FARSB: variants seen among roughly 807,000 people sequenced by gnomAD.
FARSB encodes phenylalanine--tRNA ligase beta subunit.
FARSB carries 40 observed loss-of-function variants against 69.6 expected under a neutral mutation model. The observed-to-expected ratio is 0.57, with a 90% CI of 0.45 to 0.75. The LOEUF (loss-of-function observed/expected upper bound fraction) is 0.75, where lower values mean the gene tolerates loss of function less well. Ranked by LOEUF, FARSB falls within the 30% of genes least tolerant of loss-of-function variation. FARSB has a pLI of 0.00. For missense variants in FARSB, 632 were observed against 722.9 expected, an observed-to-expected ratio of 0.87 and a Z score of 1.44; for synonymous variants, 235 against 247.2, an observed-to-expected ratio of 0.95 and a Z score of 0.46.
intron 16 of FARSB, among the ~76,000 whole-genome samples, chr2:222,581,398 T>C (rs1267073509): frequency 1.3e-5 from 2 of 152,208 alleles, no homozygotes; most frequent in Admixed American, 6.5e-5. Flanking sequence ...AGATCTCTAA[T>C]GGATGTTCTG....
intron 15 of FARSB, 131 bp downstream of exon 15, chr2:222,613,680 T>C: frequency 1.8e-6 from 1 of 560,292 alleles, no homozygotes; most frequent in Non-Finnish European, 3.2e-6. Context: ...TGTTGGTAAC[T>C]GTTGAAGGTG....
chr2:222,635,796 G>A (rs1461893875), intron 5 of FARSB, among the ~76,000 whole-genome samples: 1 of 152,148 alleles, frequency 6.6e-6, no homozygotes, highest in East Asian at 1.9e-4. Context: ...AGAAAATACA[G>A]AGGCCAGGTG....
chr2:222,581,802 AT>A (rs1187935828), intron 16 of FARSB, among the ~76,000 whole-genome samples: 3 of 152,254 alleles, frequency 2.0e-5, no homozygotes, highest in Non-Finnish European at 4.4e-5. Flanking sequence ...AGAAAAGGAA[AT>A]AAAAATGTCC....
rs545103395 is a variant in FARSB at position 222,600,291 on chromosome 2, A to G, written c.1463-208T>C. Among the ~76,000 whole-genome samples the G allele has an allele frequency of 2.0e-5, 3 of 152,312 alleles. No homozygotes were observed. The East Asian group carries it at 5.8e-4, about 29-fold the overall frequency. Reference sequence around the variant, plus strand: ...CCCTAAGGTGTTTTATTTGGGGGAAAGAGTGAAAAACCCTCAATGCTGACC... The same window carrying G: ...CCCTAAGGTGTTTTATTTGGGGGAAGGAGTGAAAAACCCTCAATGCTGACC... On this transcript the variant is annotated intron_variant, in intron 15 of 16. Transcript: ENST00000281828.
chr2:222,582,124 A>G (rs141099356), intron 16 of FARSB, among the ~76,000 whole-genome samples: 2 of 152,372 alleles, frequency 1.3e-5, no homozygotes, highest in East Asian at 1.9e-4. Flanking sequence ...GCACAAGACT[A>G]TTCTCTGTAA....
intron 15 of FARSB, among the ~76,000 whole-genome samples, chr2:222,612,950 C>T (rs540139339): frequency 1.2e-3 from 187 of 152,322 alleles, no homozygotes; most frequent in African/African-American, 4.2e-3. Context: ...AAAACACATT[C>T]GCAGTCACTG....
chr2:222,602,760 T>G (rs1690596441), intron 15 of FARSB, among the ~76,000 whole-genome samples: 1 of 152,138 alleles, frequency 6.6e-6, no homozygotes, highest in Admixed American at 6.5e-5. Flanking sequence ...TGCTGCGTAT[T>G]TCTATGAAAG....
intron 16 of FARSB, among the ~76,000 whole-genome samples, chr2:222,578,519 G>A (rs1480938237): frequency 1.3e-5 from 2 of 152,210 alleles, no homozygotes; most frequent in Admixed American, 6.5e-5. Context: ...TTCAGAGTAA[G>A]ATTTCAGGTG....
intron 1 of FARSB, among the ~76,000 whole-genome samples, chr2:222,653,386 G>A (rs767701126): frequency 1.5e-4 from 23 of 151,398 alleles, no homozygotes; most frequent in Non-Finnish European, 2.2e-4. Flanking sequence ...TTAAAAGTGT[G>A]AATGAGACAT....
chr2:222,647,338 T>C (rs960757473), intron 2 of FARSB, among the ~76,000 whole-genome samples: 1 of 152,160 alleles, frequency 6.6e-6, no homozygotes, highest in African/African-American at 2.4e-5. Flanking sequence ...GGAACAAAGA[T>C]GGTAGGTAAG....
intron 14 of FARSB, among the ~76,000 whole-genome samples, chr2:222,615,778 C>T (rs1226871861): frequency 6.6e-6 from 1 of 152,170 alleles, no homozygotes; most frequent in East Asian, 1.9e-4. Context: ...AACGTCTTTC[C>T]CATCACACTC....
chr2:222,603,915 T>G (rs1385130846), intron 15 of FARSB, among the ~76,000 whole-genome samples: 1 of 151,790 alleles, frequency 6.6e-6, no homozygotes, highest in African/African-American at 2.4e-5. Flanking sequence ...CTTAATATGG[T>G]CAAAGATGTG....
In FARSB at chr2:222,570,676, C is replaced by CTG. The variant is rs1559184412; in HGVS notation, c.*1194_*1195insCA. 2 of 152,040 alleles carry CTG rather than the reference C, an allele frequency of 1.3e-5. No homozygotes were observed. The highest frequency in any genetic ancestry group is 4.8e-5 in the African/African-American group (2 of 41,368). The allele number at this position is 152,040 out of a possible 1,614,324, so 9.4% of individuals were successfully genotyped here. ...TAGCTGGGACTGCAGGCCCACACCA[C>CTG]CATGCCTGGCTAATTTTTATATTTT... On this transcript the variant is annotated 3_prime_UTR_variant, in exon 17 of 17. Transcript: ENST00000281828.
intron 15 of FARSB, among the ~76,000 whole-genome samples, chr2:222,603,202 C>T (rs912676121): frequency 5.3e-5 from 8 of 152,066 alleles, no homozygotes; most frequent in Non-Finnish European, 1.2e-4. Flanking sequence ...AGAGAAAAAA[C>T]AAACTAATAT....
chr2:222,620,489 G>A (rs888389511), intron 13 of FARSB, among the ~76,000 whole-genome samples: 1 of 152,182 alleles, frequency 6.6e-6, no homozygotes, highest in East Asian at 1.9e-4. Flanking sequence ...GCCACCCTCA[G>A]AAACCAGCAT....
intron 14 of FARSB, 84 bp downstream of exon 14, chr2:222,619,561 G>C: frequency 1.4e-6 from 1 of 694,400 alleles, no homozygotes; most frequent in Non-Finnish European, 2.7e-6. Flanking sequence ...CACCATCTCA[G>C]GTATAATAAC....
intron 16 of FARSB, among the ~76,000 whole-genome samples, chr2:222,593,361 T>G (rs970647989): frequency 6.6e-6 from 1 of 152,148 alleles, no homozygotes; most frequent in Non-Finnish European, 1.5e-5. Context: ...ACAGTAAATG[T>G]GTGCAAGAAC....
At chr2:222,650,648 G>C (rs533112318) in intron 1 of FARSB, among the ~76,000 whole-genome samples, 2 of 152,246 alleles carry the variant, frequency 1.3e-5, no homozygotes, top group African/African-American at 4.8e-5. Flanking sequence ...CAGCCTCCAA[G>C]ACGGCCTGTT....
At chr2:222,634,353 T>G (rs901178442) in intron 6 of FARSB, 38 bp downstream of exon 6, 1 of 1,438,472 alleles carries the variant, frequency 7.0e-7, no homozygotes, top group South Asian at 1.5e-5. Flanking sequence ...ATTTCATGAT[T>G]TTTGCAAAGC....
Sources: gnomAD v4.1 joint callset for allele counts (sites outside exome capture counted in the v4.1 genomes callset) on GRCh38, gnomAD v4.1.1 for gene constraint, MANE v1.5 for transcripts, NCBI Gene and HGNC (gene_info 2026-07-23, HGNC 2026-07-21) for gene names.